PXDNL: variants seen among roughly 807,000 people sequenced by gnomAD.
PXDNL encodes probable oxidoreductase PXDNL.
PXDNL carries 145 observed loss-of-function variants against 150.8 expected under a neutral mutation model. That is an observed-to-expected ratio of 0.96 (90% CI 0.84 to 1.10). The LOEUF (loss-of-function observed/expected upper bound fraction) is 1.10. Among genes scored for constraint, PXDNL ranks in the 50% least tolerant of loss-of-function variants. The pLI is 0.00. For missense variants in PXDNL, 2,087 were observed against 1,873.9 expected (o/e 1.11, Z -2.10); for synonymous variants, 757 against 725.7 (o/e 1.04, Z -0.69).
intron 17 of PXDNL, among the ~76,000 whole-genome samples, chr8:51,405,349 G>A (rs891228079): frequency 5.3e-5 from 8 of 152,192 alleles, no homozygotes; most frequent in African/African-American, 1.7e-4. Context: ...CTCAATGAGG[G>A]TGAAGTCCTC....
chr8:51,430,252 G>A (rs1022948321), intron 12 of PXDNL, among the ~76,000 whole-genome samples: 12 of 152,160 alleles, frequency 7.9e-5, no homozygotes, highest in Admixed American at 1.3e-4. Flanking sequence ...CTTGGAAGGC[G>A]ATCTGCTTCT....
At chr8:51,733,958 T>C (rs1280664474) in intron 1 of PXDNL, among the ~76,000 whole-genome samples, 1 of 151,414 alleles carries the variant, frequency 6.6e-6, no homozygotes, top group East Asian at 1.9e-4. Context: ...TGCAAAAGAA[T>C]ATTCCATTTT....
At chr8:51,534,886 G>A (rs1812029029) in intron 4 of PXDNL, among the ~76,000 whole-genome samples, 1 of 113,120 alleles carries the variant, frequency 8.8e-6, no homozygotes, top group Admixed American at 7.7e-5. Flanking sequence ...CCGTCCGGGA[G>A]GTGAGGGGCG....
At position 51,366,944 on chromosome 8, in the gene PXDNL, T is replaced by C. The variant is rs557452586; in HGVS notation, c.3901+4929A>G. Among the ~76,000 whole-genome samples the C allele has an allele frequency of 1.2e-4, 18 of 151,532 alleles. No individual in the cohort carries two copies. The South Asian group carries it at 3.8e-3, about 32-fold the overall frequency. ...GGTGAAACCCCTTCTCTACTAAAAA[T>C]ACAAAAATTAGCTGGGTGTGGTGGT... is the stretch of plus-strand genomic sequence containing the variant. On this transcript the variant is annotated intron_variant, in intron 19 of 22. Transcript: ENST00000356297.
intron 1 of PXDNL, among the ~76,000 whole-genome samples, chr8:51,746,986 G>A (rs573718770): frequency 6.6e-6 from 1 of 152,348 alleles, no homozygotes; most frequent in East Asian, 1.9e-4. Flanking sequence ...GCCTCCCAAA[G>A]TTCTGGGATT....
chr8:51,653,358 C>A (rs1415332144), intron 2 of PXDNL, among the ~76,000 whole-genome samples: 1 of 152,108 alleles, frequency 6.6e-6, no homozygotes, highest in Non-Finnish European at 1.5e-5. Context: ...GCACAGGTTG[C>A]AGTGAGCCGA....
At position 51,560,296 on chromosome 8, in the gene PXDNL, T is replaced by G. The variant is rs1812692977; in HGVS notation, c.309-3385A>C. On this transcript the variant is annotated intron_variant, in intron 3 of 22. Transcript: ENST00000356297. Reference sequence around the variant, plus strand: ...TCAGCATTTCAATGGCATTTTTTTTTGCAGAAATAGGGAATCTCATCCTAA... The same window carrying G: ...TCAGCATTTCAATGGCATTTTTTTTGGCAGAAATAGGGAATCTCATCCTAA... Among the ~76,000 whole-genome samples the G allele has an allele frequency of 1.3e-5, 2 of 152,014 alleles. 1 individual carries two copies. The highest frequency in any genetic ancestry group is 1.3e-4 in the Admixed American group (2 of 15,216).
intron 2 of PXDNL, among the ~76,000 whole-genome samples, chr8:51,620,823 G>C (rs1238758791): frequency 6.6e-6 from 1 of 152,196 alleles, no homozygotes; most frequent in Admixed American, 6.5e-5. Context: ...TAGGATTATA[G>C]GCGTGGGCCA....
chr8:51,497,631 G>A (rs1289940101), intron 5 of PXDNL, among the ~76,000 whole-genome samples: 1 of 152,162 alleles, frequency 6.6e-6, no homozygotes, highest in Non-Finnish European at 1.5e-5. Flanking sequence ...GACACGAACA[G>A]ACACTTCTCA....
chr8:51,608,628 G>C (rs370032570), intron 2 of PXDNL, among the ~76,000 whole-genome samples: 1 of 148,676 alleles, frequency 6.7e-6, no homozygotes, highest in Non-Finnish European at 1.5e-5. Flanking sequence ...ACGAGGTCAG[G>C]AGATCCAGAC....
At chr8:51,614,934 T>A (rs1198757134) in intron 2 of PXDNL, among the ~76,000 whole-genome samples, 1 of 152,182 alleles carries the variant, frequency 6.6e-6, no homozygotes, top group African/African-American at 2.4e-5. Flanking sequence ...AACTATCTCA[T>A]TTTCAGTTAA....
intron 2 of PXDNL, among the ~76,000 whole-genome samples, chr8:51,611,067 G>C (rs1317513575): frequency 6.6e-6 from 1 of 152,152 alleles, no homozygotes; most frequent in Non-Finnish European, 1.5e-5. Context: ...CAGGGTCATT[G>C]TATGGGTATT....
chr8:51,723,487 C>T (rs759217670), intron 1 of PXDNL, among the ~76,000 whole-genome samples: 1 of 152,204 alleles, frequency 6.6e-6, no homozygotes, highest in Non-Finnish European at 1.5e-5. Context: ...TCAAGCAAGC[C>T]CTGAGCCAAC....
chr8:51,577,243 G>A (rs552351278), intron 3 of PXDNL, among the ~76,000 whole-genome samples: 75 of 151,636 alleles, frequency 4.9e-4, no homozygotes, highest in African/African-American at 1.8e-3. Context: ...TACACAAATT[G>A]TCAAGAAAAT....
intron 17 of PXDNL, among the ~76,000 whole-genome samples, chr8:51,377,685 G>C (rs1400442875): frequency 6.6e-6 from 1 of 152,222 alleles, no homozygotes; most frequent in Non-Finnish European, 1.5e-5. Flanking sequence ...AGGGTGCACC[G>C]GGTCCCCCAG....
At chr8:51,799,083 T>C (rs1205309986) in intron 1 of PXDNL, among the ~76,000 whole-genome samples, 1 of 152,224 alleles carries the variant, frequency 6.6e-6, no homozygotes, top group Admixed American at 6.5e-5. Flanking sequence ...TAATTTCCTT[T>C]GCAGGGACAT....
Position 51,693,525 on chromosome 8 carries a change from A to G in PXDNL, c.165-38765T>C, listed in dbSNP as rs563948463. 3.3e-5 allele frequency among the ~76,000 whole-genome samples: 5 copies of G among 152,280 alleles called. No individual in the cohort carries two copies. In the South Asian group the frequency reaches 8.3e-4, roughly 25 times the overall value. ...ACGATGGCTCACACCTGTAATCCCA[A>G]CACTCTGGGAGGCGGAAGTGAGCAG... On this transcript the variant is annotated intron_variant, in intron 1 of 22. Transcript: ENST00000356297.
chr8:51,639,316 T>C (rs185754323), intron 2 of PXDNL, among the ~76,000 whole-genome samples: 1 of 151,952 alleles, frequency 6.6e-6, no homozygotes, highest in East Asian at 1.9e-4. Context: ...GCAAACACAT[T>C]CAAAAGCTAG....
intron 22 of PXDNL, 65 bp downstream of exon 22, chr8:51,320,719 G>A: frequency 1.8e-6 from 2 of 1,141,798 alleles, no homozygotes; most frequent in South Asian, 2.6e-5. Context: ...AATTTTTCAA[G>A]TATGCTTCAA....
Sources: allele counts gnomAD v4.1 joint callset (sites outside exome capture counted in the v4.1 genomes callset), GRCh38; gene constraint gnomAD v4.1.1; transcripts MANE v1.5; gene names NCBI Gene and HGNC (gene_info 2026-07-23, HGNC 2026-07-21).